Variants in FOXP4 observed in about 807,000 individuals in gnomAD.
FOXP4 encodes forkhead box P4.
Under a neutral mutation model 82.6 loss-of-function variants are expected in FOXP4, and 25 were observed. That is an observed-to-expected ratio of 0.30 (90% CI 0.22 to 0.42). The LOEUF (loss-of-function observed/expected upper bound fraction) is 0.42, where lower values mean the gene tolerates loss of function less well. Among genes scored for constraint, FOXP4 ranks in the 10% least tolerant of loss-of-function variants. The pLI is 1.00. For synonymous variants in FOXP4, 415 were observed against 388.2 expected (o/e 1.07, Z -0.81); for missense variants, 785 against 900.9 (o/e 0.87, Z 1.65).
At chr6:41,556,260 C>T (rs1764268184) in intron 1 of FOXP4, among the ~76,000 whole-genome samples, 1 of 151,170 alleles carries the variant, frequency 6.6e-6, no homozygotes, top group Non-Finnish European at 1.5e-5. Flanking sequence ...AAAATGAGCG[C>T]AAAATTGCAT....
intron 2 of FOXP4, among the ~76,000 whole-genome samples, chr6:41,573,490 G>A (rs1172370888): frequency 6.6e-6 from 1 of 152,110 alleles, no homozygotes; most frequent in Non-Finnish European, 1.5e-5. Flanking sequence ...GATGGGGGGA[G>A]GAGAGTTCAG....
rs566116209 is a variant in FOXP4, at chr6:41,589,952, G to A, written c.1150-11G>A. ...GGGCACTGGTCTCAGTACCCTCCCC[G>A]TTGCTCACAGCTGAACCCGGTCCCC... On this transcript the variant is annotated splice_polypyrimidine_tract_variant and intron_variant, in intron 10 of 16. Transcript: ENST00000307972. 96 of 1,602,688 alleles carry A rather than the reference G, an allele frequency of 6.0e-5. No individual in the cohort carries two copies. The highest frequency in any genetic ancestry group is 5.0e-4 in the East Asian group (22 of 43,966).
At chr6:41,595,053 C>G (rs1766749440) in intron 14 of FOXP4, 62 bp downstream of exon 14, 7 of 1,605,712 alleles carry the variant, frequency 4.4e-6, no homozygotes, top group Non-Finnish European at 1.7e-6. Flanking sequence ...AACTCACCCC[C>G]ACCCCCTACC....
chr6:41,581,329 T>C (rs1301650370), intron 3 of FOXP4, among the ~76,000 whole-genome samples: 1 of 152,186 alleles, frequency 6.6e-6, no homozygotes, highest in Non-Finnish European at 1.5e-5. Context: ...TCAAATAAGC[T>C]TCCTGTGTGT....
chr6:41,554,895 G>A (rs1265207707), intron 1 of FOXP4, among the ~76,000 whole-genome samples: 1 of 151,618 alleles, frequency 6.6e-6, no homozygotes. Flanking sequence ...TGTACAAGAA[G>A]ATCTCAGAGA....
intron 2 of FOXP4, among the ~76,000 whole-genome samples, chr6:41,573,888 C>G (rs551176968): frequency 6.6e-6 from 1 of 152,324 alleles, no homozygotes; most frequent in Non-Finnish European, 1.5e-5. Context: ...TAGAGGAAAA[C>G]TGGACATCAT....
In FOXP4 at chr6:41,599,025, G is replaced by A; in HGVS notation, c.*89G>A. ...CCCCCAACTCCACAGCCCCTCCCGA[G>A]CCTCAAGGCAAGTCCAGGACTCAGA... is the stretch of plus-strand genomic sequence containing the variant. On this transcript the variant is annotated 3_prime_UTR_variant, in exon 17 of 17. Transcript: ENST00000307972. 1.4e-6 allele frequency: 2 copies of A among 1,447,428 alleles called. No individual in the cohort carries two copies. The highest frequency in any genetic ancestry group is 1.8e-6 in the Non-Finnish European group (2 of 1,097,064). The allele number at this position is 1,447,428 out of a possible 1,614,324, so 89.7% of individuals were successfully genotyped here.
Position 41,578,080 on chromosome 6 carries a change from A to C in FOXP4, c.299A>C (p.Gln100Pro), listed in dbSNP as rs2127375926. The change falls in exon 3 of 17, where the codon CAG (glutamine) becomes CCG (proline). Residue 100 changes from glutamine (Q) to proline (P), a missense_variant and splice_region_variant. Around this residue, in one of 3 missense-constraint regions of FOXP4, gnomAD observed 570 missense variants for 634.0 expected, o/e 0.90. Transcript: ENST00000307972. Reference protein sequence around the residue: ...NDSKQSASAVQVPVSVAMMSP... With the variant: ...NDSKQSASAVPVPVSVAMMSP... ...AGCAAACAGTCTGCCTCTGCTGTGC[A>C]GGTGAGGAAGAGAGCACCCCGCTGG... The C allele has an allele frequency of 6.2e-7, 1 of 1,613,008 alleles. No individual in the cohort carries two copies. The highest frequency in any genetic ancestry group is 2.2e-5 in the East Asian group (1 of 44,874).
At position 41,570,335 on chromosome 6, in the gene FOXP4, A is replaced by C. The variant is rs147910338; in HGVS notation, c.204+4371A>C. ...AGGGGAGGCTTACGGACATCACACC[A>C]GTTCATACCAGCTGCTGGGGAATGC... On this transcript the variant is annotated intron_variant, in intron 2 of 16. Coordinates refer to ENST00000307972, the MANE Select transcript of FOXP4 (RefSeq NM_001012426.2). 746 of 471,126 alleles carry C rather than the reference A, an allele frequency of 1.6e-3. 4 individuals carry two copies. The highest frequency in any genetic ancestry group is 0.013 in the African/African-American group (646 of 50,144). 29.2% of individuals were successfully genotyped at this position (471,126 alleles called of 1,614,324 possible).
At chr6:41,559,438 T>C (rs1322667394) in intron 1 of FOXP4, among the ~76,000 whole-genome samples, 1 of 152,198 alleles carries the variant, frequency 6.6e-6, no homozygotes, top group Non-Finnish European at 1.5e-5. Context: ...GAGAGAAGCA[T>C]GACTTTGTTC....
intron 1 of FOXP4, among the ~76,000 whole-genome samples, chr6:41,547,820 C>T (rs1763742030): frequency 6.7e-6 from 1 of 149,596 alleles, no homozygotes; most frequent in Non-Finnish European, 1.5e-5. Flanking sequence ...CTCCCCTGGA[C>T]AACCCCAGCA....
chr6:41,556,820 T>C (rs991209411), intron 1 of FOXP4, among the ~76,000 whole-genome samples: 3 of 152,150 alleles, frequency 2.0e-5, no homozygotes, highest in Non-Finnish European at 4.4e-5. Context: ...AAGTTCTCAA[T>C]CCTGGCTGCA....
intron 1 of FOXP4, among the ~76,000 whole-genome samples, chr6:41,556,553 T>C (rs1393213539): frequency 6.6e-6 from 1 of 152,188 alleles, no homozygotes. Context: ...CTCGATCTCC[T>C]GACCTTGTGA....
At chr6:41,562,957 C>T (rs901858963) in intron 1 of FOXP4, among the ~76,000 whole-genome samples, 7 of 152,216 alleles carry the variant, frequency 4.6e-5, no homozygotes, top group African/African-American at 1.7e-4. Flanking sequence ...CATCATTTCA[C>T]CGCCACTAGC....
Position 41,577,989 on chromosome 6 carries a change from C to G in FOXP4, c.208C>G (p.Leu70Val), listed in dbSNP as rs1227726474. 2 of 1,612,124 alleles carry G rather than the reference C, an allele frequency of 1.2e-6. No homozygotes were observed. The highest frequency in any genetic ancestry group is 1.1e-5 in the South Asian group (1 of 91,056). ...ELLHFQQQQALQVARQFLLQQ... is the reference protein window; with the variant it reads ...ELLHFQQQQAVQVARQFLLQQ... ...TGACTCAGCCCCTGTCTTGCAGGCT[C>G]TCCAAGTGGCCCGGCAGTTCCTGCT... The change falls in exon 3 of 17, where the codon CTC becomes GTC. Residue 70 changes from leucine to valine, a missense_variant. Physicochemically the swap from Leu to Val is conservative, Grantham distance 32. This residue lies in a region of FOXP4 where 570 missense variants were observed against 634.0 expected (regional missense o/e 0.90). Coordinates refer to ENST00000307972, the MANE Select transcript of FOXP4 (RefSeq NM_001012426.2).
At chr6:41,566,816 G>T (rs1486798573) in intron 2 of FOXP4, among the ~76,000 whole-genome samples, 1 of 152,162 alleles carries the variant, frequency 6.6e-6, no homozygotes, top group African/African-American at 2.4e-5. Context: ...GGCAGGGGGC[G>T]GGGTATGCTA....
At chr6:41,564,326 G>A (rs891789699) in intron 1 of FOXP4, among the ~76,000 whole-genome samples, 4 of 152,196 alleles carry the variant, frequency 2.6e-5, no homozygotes, top group Non-Finnish European at 1.5e-5. Flanking sequence ...GGCTGAGACA[G>A]GATAATTGCT....
intron 1 of FOXP4, among the ~76,000 whole-genome samples, chr6:41,557,414 A>T (rs975113869): frequency 6.6e-5 from 10 of 152,214 alleles, no homozygotes; most frequent in South Asian, 4.1e-4. Context: ...CTAGTCAAAA[A>T]TGTAGAGTAT....
chr6:41,585,560 C>CCCAGAGCTGGGTGT (rs1561795786), intron 5 of FOXP4, 43 bp downstream of exon 5: 1 of 1,575,740 alleles, frequency 6.3e-7, no homozygotes, highest in Non-Finnish European at 8.7e-7. Flanking sequence ...TCACCCCCTG[C>CCCAGAGCTGGGTGT]CCAGAGCTGG....
Sources: allele counts gnomAD v4.1 joint callset (sites outside exome capture counted in the v4.1 genomes callset), GRCh38; gene constraint gnomAD v4.1.1; regional missense constraint gnomAD v4.1.1; transcripts MANE v1.5; gene names NCBI Gene and HGNC (gene_info 2026-07-23, HGNC 2026-07-21).